Variants in BRINP3 observed in about 807,000 individuals in gnomAD.
The protein encoded by BRINP3 is BMP/retinoic acid-inducible neural-specific protein 3.
A neutral mutation model predicts 71.0 loss-of-function variants in BRINP3; 19 were observed. The observed-to-expected ratio is 0.27, with a 90% confidence interval of 0.19 to 0.39. The LOEUF (loss-of-function observed/expected upper bound fraction) is 0.39, where lower values mean the gene tolerates loss of function less well. BRINP3 is among the 10% of genes least tolerant of loss of function. The pLI, the probability that BRINP3 is intolerant of heterozygous loss-of-function variation, is 1.00. For synonymous variants in BRINP3, 380 were observed against 337.7 expected (o/e 1.13, Z -1.37); for missense variants, 959 against 940.8 (o/e 1.02, Z -0.25).
intron 2 of BRINP3, among the ~76,000 whole-genome samples, chr1:190,336,687 G>T (rs548092177): frequency 6.6e-6 from 1 of 151,898 alleles, no homozygotes; most frequent in Non-Finnish European, 1.5e-5. Flanking sequence ...ACTGCAAAAC[G>T]TGCTCTTTCT....
chr1:190,418,892 A>T (rs1380075716), intron 2 of BRINP3, among the ~76,000 whole-genome samples: 1 of 152,130 alleles, frequency 6.6e-6, no homozygotes, highest in African/African-American at 2.4e-5. Context: ...TGTACGATGG[A>T]TTTTTATTAA....
At chr1:190,225,252 G>T (rs926210846) in intron 6 of BRINP3, among the ~76,000 whole-genome samples, 1 of 151,944 alleles carries the variant, frequency 6.6e-6, no homozygotes, top group Non-Finnish European at 1.5e-5. Context: ...AATAGATTAA[G>T]AGAATGTGTT....
chr1:190,393,569 T>C (rs1201310790), intron 2 of BRINP3, among the ~76,000 whole-genome samples: 1 of 151,690 alleles, frequency 6.6e-6, no homozygotes. Flanking sequence ...GCATTTATTT[T>C]TAATGAACTG....
intron 7 of BRINP3, among the ~76,000 whole-genome samples, chr1:190,103,857 G>A (rs1210034216): frequency 6.7e-6 from 1 of 150,274 alleles, no homozygotes; most frequent in African/African-American, 2.4e-5. Context: ...TTCTGTTCTG[G>A]TCCAGTAATA....
intron 2 of BRINP3, among the ~76,000 whole-genome samples, chr1:190,332,994 A>G (rs573831829): frequency 2.0e-5 from 3 of 151,906 alleles, no homozygotes; most frequent in Non-Finnish European, 4.4e-5. Context: ...TTGTGAAAAA[A>G]AAATTCAGTA....
intron 6 of BRINP3, among the ~76,000 whole-genome samples, chr1:190,163,015 G>C (rs1263308762): frequency 6.6e-6 from 1 of 152,028 alleles, no homozygotes; most frequent in East Asian, 1.9e-4. Flanking sequence ...AATATTTTCA[G>C]ATGTTAAAAC....
chr1:190,466,478 A>T (rs1481174582), intron 1 of BRINP3, among the ~76,000 whole-genome samples: 2 of 151,870 alleles, frequency 1.3e-5, no homozygotes, highest in Admixed American at 1.3e-4. Flanking sequence ...TGGTTCAGTA[A>T]AACTTTTTAC....
At chr1:190,285,434 G>A (rs543151110) in intron 2 of BRINP3, among the ~76,000 whole-genome samples, 8 of 152,120 alleles carry the variant, frequency 5.3e-5, no homozygotes, top group African/African-American at 1.9e-4. Flanking sequence ...ACGCTTAACA[G>A]GATGAACAAG....
At chr1:190,165,845 A>T (rs1651485870) in intron 6 of BRINP3, among the ~76,000 whole-genome samples, 1 of 152,112 alleles carries the variant, frequency 6.6e-6, no homozygotes, top group South Asian at 2.1e-4. Flanking sequence ...TGAGACAGAG[A>T]AATTCCAGAC....
At chr1:190,202,500 A>C (rs1174575726) in intron 6 of BRINP3, among the ~76,000 whole-genome samples, 1 of 152,070 alleles carries the variant, frequency 6.6e-6, no homozygotes, top group African/African-American at 2.4e-5. Context: ...GATTGGTTTT[A>C]AAATGTGAAG....
At chr1:190,208,597 C>G (rs35971648) in intron 6 of BRINP3, among the ~76,000 whole-genome samples, 58,338 of 151,756 alleles carry the variant, frequency 0.38, 12,560 homozygotes, top group Non-Finnish European at 0.49. Context: ...CCGGTTCAAG[C>G]GTTTCTTGAT....
chr1:190,292,499 A>T (rs1027250154), intron 2 of BRINP3, among the ~76,000 whole-genome samples: 1 of 152,130 alleles, frequency 6.6e-6, no homozygotes, highest in Non-Finnish European at 1.5e-5. Context: ...AAAATAAAAA[A>T]TAGCTTACTC....
intron 4 of BRINP3, among the ~76,000 whole-genome samples, chr1:190,253,117 T>C (rs1018365314): frequency 3.1e-4 from 47 of 152,296 alleles, no homozygotes; most frequent in African/African-American, 1.1e-3. Flanking sequence ...TCATCATTTT[T>C]TATGGCTGCA....
chr1:190,279,781 T>C (rs1321803212), intron 3 of BRINP3, among the ~76,000 whole-genome samples: 1 of 151,944 alleles, frequency 6.6e-6, no homozygotes, highest in Non-Finnish European at 1.5e-5. Flanking sequence ...TCTTTATTTG[T>C]GAATTTGACC....
chr1:190,406,105 A>T (rs1170083145), intron 2 of BRINP3, among the ~76,000 whole-genome samples: 1 of 152,218 alleles, frequency 6.6e-6, no homozygotes, highest in African/African-American at 2.4e-5. Context: ...CCGGTTTGGT[A>T]AAGTATGATC....
At chr1:190,247,636 T>G (rs1219905267) in intron 4 of BRINP3, among the ~76,000 whole-genome samples, 2 of 151,820 alleles carry the variant, frequency 1.3e-5, no homozygotes, top group Non-Finnish European at 2.9e-5. Flanking sequence ...CACTCTCCCC[T>G]ATATTTCCCA....
At chr1:190,145,850 T>C (rs1655840573) in intron 7 of BRINP3, among the ~76,000 whole-genome samples, 1 of 152,132 alleles carries the variant, frequency 6.6e-6, no homozygotes, top group African/African-American at 2.4e-5. Flanking sequence ...TATACACACA[T>C]ACCATGGAAT....
intron 6 of BRINP3, among the ~76,000 whole-genome samples, chr1:190,191,715 G>A (rs1048002758): frequency 6.6e-5 from 10 of 151,898 alleles, no homozygotes; most frequent in African/African-American, 9.7e-5. Flanking sequence ...TGCAATAAAC[G>A]TATGTGTGCC....
At chr1:190,357,520 A>G (rs1319578582) in intron 2 of BRINP3, among the ~76,000 whole-genome samples, 2 of 151,938 alleles carry the variant, frequency 1.3e-5, no homozygotes, top group Non-Finnish European at 2.9e-5. Flanking sequence ...TTTTAATAAT[A>G]TCCAAATACA....
Sources: gnomAD v4.1 joint callset for allele counts (sites outside exome capture counted in the v4.1 genomes callset) on GRCh38, gnomAD v4.1.1 for gene constraint, MANE v1.5 for transcripts, NCBI Gene and HGNC (gene_info 2026-07-23, HGNC 2026-07-21) for gene names.